The following BRCA1 variants were observed in gnomAD, a reference collection of about 807,000 sequenced individuals.
BRCA1 encodes BRCA1 DNA repair associated.
BRCA1 carries 140 observed loss-of-function variants against 173.7 expected under a neutral mutation model. That is an observed-to-expected ratio of 0.81 (90% CI 0.70 to 0.93). The LOEUF (loss-of-function observed/expected upper bound fraction) is 0.93, where lower values mean the gene tolerates loss of function less well. Among genes scored for constraint, BRCA1 ranks in the 40% least tolerant of loss-of-function variants. BRCA1 has a pLI of 0.00. For missense variants in BRCA1, 1,983 were observed against 2,172.5 expected (o/e 0.91, Z 1.73); for synonymous variants, 662 against 756.0 (o/e 0.88, Z 2.04).
chr17:43,104,001 G>A lies in BRCA1; in HGVS notation c.441+121C>T, dbSNP rs950850467. ...GCGTGCCTGTAATCCCAGCTACTAAGGGGGCTAAGGCAGGAGGACTGCTTC... is the reference window on the plus strand; with the variant it reads ...GCGTGCCTGTAATCCCAGCTACTAAAGGGGCTAAGGCAGGAGGACTGCTTC... On this transcript the variant is annotated intron_variant, in intron 6 of 22. Coordinates refer to ENST00000357654, the MANE Select transcript of BRCA1 (RefSeq NM_007294.4). The A allele has an allele frequency of 3.0e-5, 39 of 1,281,318 alleles. No homozygotes were observed. In the African/African-American group the frequency reaches 5.8e-4, roughly 19 times the overall value. 79.4% of individuals were successfully genotyped at this position (1,281,318 alleles called of 1,614,324 possible).
At chr17:43,133,595 G>A (rs2055989406) in intron 1 of BRCA1, among the ~76,000 whole-genome samples, 2 of 151,252 alleles carry the variant, frequency 1.3e-5, no homozygotes, top group African/African-American at 4.9e-5. Flanking sequence ...TCTGTCTTTA[G>A]CTCCTTTCCA....
intron 18 of BRCA1, among the ~76,000 whole-genome samples, chr17:43,059,918 A>T (rs1474327461): frequency 6.6e-6 from 1 of 151,866 alleles, no homozygotes; most frequent in African/African-American, 2.4e-5. Flanking sequence ...TATTATTATT[A>T]TTTTTGAGAC....
At position 43,091,672 on chromosome 17, in the gene BRCA1, C is replaced by T. The variant is rs1555586934; in HGVS notation, c.3859G>A (p.Glu1287Lys). 1 of 1,614,242 alleles carries T rather than the reference C, an allele frequency of 6.2e-7. No individual in the cohort carries two copies. The highest frequency in any genetic ancestry group is 1.7e-5 in the Admixed American group (1 of 60,024). Residue 1287 changes from glutamate to lysine, a missense_variant, in exon 10 of 23, where the codon GAG becomes AAG. By Grantham distance (56) the Glu-to-Lys change is moderately conservative (BLOSUM62 1). Coordinates refer to ENST00000357654, the MANE Select transcript of BRCA1 (RefSeq NM_007294.4). Reference sequence around the variant, plus strand: ...AAGCTAGCAGAACATTTTGTTTCCTCACTAAGGTGATGTTCCTGAGATGCC... The same window carrying T: ...AAGCTAGCAGAACATTTTGTTTCCTTACTAAGGTGATGTTCCTGAGATGCC... ...AKASQEHHLS[E>K]ETKCSASLFS...
chr17:43,163,169 T>C (rs2154581738), intron 1 of BRCA1: 1 of 152,380 alleles, frequency 6.6e-6, no homozygotes, highest in South Asian at 2.1e-4. Context: ...AACAGGGCTG[T>C]TGCTGCTAGG....
At chr17:43,132,611 G>A (rs1042178700) in intron 1 of BRCA1, 5 of 148,624 alleles carry the variant, frequency 3.4e-5, no homozygotes, top group East Asian at 2.0e-4. Flanking sequence ...ACGAAGTCTC[G>A]CTCTGTCACC....
Position 43,051,062 on chromosome 17 carries a change from C to T in BRCA1, c.5332+1G>A, listed in dbSNP as rs80358041. On this transcript the variant is annotated splice_donor_variant, in intron 20 of 22. Coordinates refer to ENST00000357654, the MANE Select transcript of BRCA1 (RefSeq NM_007294.4). LOFTEE classifies it high-confidence loss of function. ...ACTCTGGGGTTCTCCCAGGCTCTTACCTGTGGGCATGTTGGTGAAGGGCCC... is the reference window on the plus strand; with the variant it reads ...ACTCTGGGGTTCTCCCAGGCTCTTATCTGTGGGCATGTTGGTGAAGGGCCC... 6.2e-7 allele frequency: 1 copy of T among 1,613,860 alleles called. No homozygotes were observed. Among genetic ancestry groups the T allele is most frequent in the East Asian group, 2.2e-5 (1 of 44,878 alleles).
chr17:43,076,457 A>T, intron 13 of BRCA1, 31 bp downstream of exon 13: 1 of 1,610,632 alleles, frequency 6.2e-7, no homozygotes, highest in Non-Finnish European at 8.5e-7. Context: ...GATGTCAGAT[A>T]CCACAGCATC....
upstream of BRCA1, chr17:43,125,629 G>T (rs186775935): frequency 2.0e-4 from 52 of 260,508 alleles, no homozygotes; most frequent in African/African-American, 9.0e-4. Context: ...CTGCCCTCTA[G>T]CCTCTACTCT....
intron 14 of BRCA1, among the ~76,000 whole-genome samples, chr17:43,073,594 T>G (rs1390196183): frequency 6.6e-6 from 1 of 152,144 alleles, no homozygotes. Flanking sequence ...TAAAAGTGAT[T>G]TTTAAGGCAT....
At chr17:43,128,353 C>T (rs137867382), upstream of BRCA1, among the ~76,000 whole-genome samples, 1,299 of 152,194 alleles carry the variant, frequency 8.5e-3, 35 homozygotes, top group East Asian at 0.15. Flanking sequence ...CTGAAGCCAG[C>T]GAGACCACGA....
At chr17:43,104,982 C>T (rs748319423) in intron 4 of BRCA1, 26 bp from the exon 5 acceptor site, 4 of 1,572,672 alleles carry the variant, frequency 2.5e-6, no homozygotes, top group Non-Finnish European at 3.5e-6. Flanking sequence ...TTGAGAAACA[C>T]ACTCAGCAAG....
rs777228325 is a variant in BRCA1 at position 43,094,112 on chromosome 17, G to A, written c.1419C>T (p.Asn473=). ...TTAGATTTTCAGTTACATGGCTTAA[G>A]TTGGGGAGGCTTGCCTTCTTCCGAT... ...KTYRKKASLP[N]LSHVTENLII... is the part of the protein sequence containing the mutation. Residue 473 remains asparagine, a synonymous_variant, in exon 10 of 23, where the codon AAC becomes AAT. Coordinates refer to ENST00000357654, the MANE Select transcript of BRCA1 (RefSeq NM_007294.4). 6.8e-6 allele frequency: 11 copies of A among 1,614,108 alleles called. No homozygotes were observed. The African/African-American group carries it at 9.3e-5, about 14-fold the overall frequency.
rs1260740618 is a variant in BRCA1, at chr17:43,071,093, A to G, written c.4821T>C (p.Val1607=). The change falls in exon 15 of 23, where the codon GTT becomes GTC. Residue 1607 remains valine, a synonymous_variant. Coordinates refer to ENST00000357654, the MANE Select transcript of BRCA1 (RefSeq NM_007294.4). ...TSALKVPQLK[V]AESAQSPAAA... is the part of the protein sequence containing the mutation. ...CAGCTGGACTCTGGGCAGATTCTGC[A>G]ACTTTCAATTGGGGAACTTTCAATG... 1 of 1,614,032 alleles carries G rather than the reference A, an allele frequency of 6.2e-7. No individual in the cohort carries two copies.
chr17:43,135,088 C>T (rs2056005678), intron 1 of BRCA1, among the ~76,000 whole-genome samples: 2 of 152,268 alleles, frequency 1.3e-5, no homozygotes, highest in South Asian at 4.1e-4. Context: ...GCCCACGTGT[C>T]TTGCTCTGGC....
chr17:43,100,801 G>A (rs1389686813), intron 6 of BRCA1, among the ~76,000 whole-genome samples: 2 of 133,924 alleles, frequency 1.5e-5, no homozygotes. Flanking sequence ...GCGTGATCTC[G>A]GCACACTGCA....
chr17:43,071,478 T>C (rs1335230920), intron 14 of BRCA1, among the ~76,000 whole-genome samples: 1 of 152,162 alleles, frequency 6.6e-6, no homozygotes, highest in Admixed American at 6.6e-5. Flanking sequence ...TTTAGAAATA[T>C]ATCCTAGGGA....
At chr17:43,079,572 G>T in intron 12 of BRCA1, 1 of 868,324 alleles carries the variant, frequency 1.2e-6, no homozygotes. Context: ...ATTAATGTGC[G>T]TATTGAGCAC....
At chr17:43,087,729 G>T (rs1567786264) in intron 11 of BRCA1, among the ~76,000 whole-genome samples, 1 of 151,104 alleles carries the variant, frequency 6.6e-6, no homozygotes, top group Non-Finnish European at 1.5e-5. Context: ...ATAATGCACA[G>T]AATTATCTGG....
intron 3 of BRCA1, among the ~76,000 whole-genome samples, chr17:43,115,466 C>T (rs1379580865): frequency 6.7e-6 from 1 of 150,150 alleles, no homozygotes; most frequent in Non-Finnish European, 1.5e-5. Context: ...CATGCCACTG[C>T]ACTCCAGCCT....
Sources: gnomAD v4.1 joint callset for allele counts (sites outside exome capture counted in the v4.1 genomes callset) on GRCh38, gnomAD v4.1.1 for gene constraint, MANE v1.5 for transcripts, NCBI Gene and HGNC (gene_info 2026-07-23, HGNC 2026-07-21) for gene names.